Variants in R3HDM1 observed in about 807,000 individuals in gnomAD.
The protein encoded by R3HDM1 is R3H domain containing 1.
In R3HDM1, 46 loss-of-function variants were observed where a neutral mutation model predicts 141.1. The ratio of observed to expected loss-of-function variants is 0.33; its 90% CI spans 0.26 to 0.42. The LOEUF (loss-of-function observed/expected upper bound fraction) is 0.42. Among genes scored for constraint, R3HDM1 ranks in the 10% least tolerant of loss-of-function variants. The pLI is 1.00. For missense variants in R3HDM1, 1,184 were observed against 1,368.3 expected (o/e 0.87, Z 2.12); for synonymous variants, 435 against 472.9 (o/e 0.92, Z 1.04).
chr2:135,559,883 G>A (rs1469752588), intron 1 of R3HDM1, among the ~76,000 whole-genome samples: 3 of 152,108 alleles, frequency 2.0e-5, no homozygotes, highest in African/African-American at 4.8e-5. Flanking sequence ...CTAAATAAAA[G>A]GAAAAAGAGA....
chr2:135,585,974 T>C (rs541520985), intron 1 of R3HDM1, among the ~76,000 whole-genome samples: 1 of 152,362 alleles, frequency 6.6e-6, no homozygotes, highest in South Asian at 2.1e-4. Context: ...TTTTTAAGGC[T>C]TTTTGTTAGT....
At chr2:135,684,373 GC>G (rs1256463779) in intron 21 of R3HDM1, among the ~76,000 whole-genome samples, 3 of 152,208 alleles carry the variant, frequency 2.0e-5, no homozygotes, top group Admixed American at 1.3e-4. Flanking sequence ...ACAGGCGTGA[GC>G]CACCGCTCCC....
chr2:135,679,066 C>CTTTT (rs141175748), intron 20 of R3HDM1, among the ~76,000 whole-genome samples: 2 of 70,590 alleles, frequency 2.8e-5, no homozygotes, highest in African/African-American at 1.1e-4. Flanking sequence ...GCCCGGCTTT[C>CTTTT]TTTTTTTTTT....
intron 1 of R3HDM1, among the ~76,000 whole-genome samples, chr2:135,569,968 T>C (rs1027880287): frequency 6.6e-6 from 1 of 152,112 alleles, no homozygotes; most frequent in South Asian, 2.1e-4. Context: ...CCTCGTGATC[T>C]GTCCGCCTCG....
At chr2:135,721,673 T>C (rs2076710073) in intron 24 of R3HDM1, 2 of 344,458 alleles carry the variant, frequency 5.8e-6, no homozygotes, top group South Asian at 6.1e-5. Flanking sequence ...CTGCAACCTC[T>C]ACCTCCCAAG....
chr2:135,723,500 A>G (rs565864463), intron 26 of R3HDM1, among the ~76,000 whole-genome samples: 14 of 151,820 alleles, frequency 9.2e-5, no homozygotes, highest in African/African-American at 3.4e-4. Flanking sequence ...GGCCGGATGC[A>G]GTGCCTCATG....
intron 1 of R3HDM1, among the ~76,000 whole-genome samples, chr2:135,564,724 T>C (rs1702411116): frequency 6.6e-6 from 1 of 152,162 alleles, no homozygotes; most frequent in Non-Finnish European, 1.5e-5. Context: ...TTTCTTTATA[T>C]TTTTATAAAT....
intron 19 of R3HDM1, among the ~76,000 whole-genome samples, chr2:135,666,290 G>A (rs1396050166): frequency 6.6e-6 from 1 of 152,080 alleles, no homozygotes; most frequent in African/African-American, 2.4e-5. Context: ...TAGGAGAGTC[G>A]GCTATGTCAA....
At chr2:135,673,953 A>G (rs1430506304) in intron 19 of R3HDM1, among the ~76,000 whole-genome samples, 1 of 151,994 alleles carries the variant, frequency 6.6e-6, no homozygotes, top group African/African-American at 2.4e-5. Flanking sequence ...TTGTGGAGAC[A>G]AGATTTGGCC....
chr2:135,708,990 A>G (rs997745743), intron 21 of R3HDM1, among the ~76,000 whole-genome samples: 67 of 151,518 alleles, frequency 4.4e-4, no homozygotes, highest in African/African-American at 1.6e-3. Context: ...TAACTGTTCA[A>G]AAATACAGCA....
At chr2:135,580,431 T>G (rs1574037147) in intron 1 of R3HDM1, among the ~76,000 whole-genome samples, 2 of 152,210 alleles carry the variant, frequency 1.3e-5, no homozygotes, top group Non-Finnish European at 2.9e-5. Context: ...TATTTATTAT[T>G]GGTTTTTTTT....
chr2:135,589,980 G>C (rs992429842), intron 1 of R3HDM1, among the ~76,000 whole-genome samples: 3 of 152,056 alleles, frequency 2.0e-5, no homozygotes, highest in Admixed American at 2.0e-4. Context: ...GTCCCTAAAA[G>C]CATGTGTAAA....
chr2:135,550,990 T>A (rs1248616404), intron 1 of R3HDM1, among the ~76,000 whole-genome samples: 1 of 152,238 alleles, frequency 6.6e-6, no homozygotes, highest in Non-Finnish European at 1.5e-5. Flanking sequence ...AGACCTTCTG[T>A]CTTGACTCAA....
At chr2:135,574,931 A>C (rs1705036294) in intron 1 of R3HDM1, among the ~76,000 whole-genome samples, 1 of 152,206 alleles carries the variant, frequency 6.6e-6, no homozygotes, top group South Asian at 2.1e-4. Flanking sequence ...CACTATCTTC[A>C]CTGCTGTTCA....
At chr2:135,656,844 AG>A (rs1389352849) in intron 18 of R3HDM1, among the ~76,000 whole-genome samples, 2 of 152,220 alleles carry the variant, frequency 1.3e-5, no homozygotes, top group African/African-American at 4.8e-5. Flanking sequence ...CTGTAATCCC[AG>A]CACTTTGGGA....
chr2:135,631,086 C>T (rs2062665654), intron 7 of R3HDM1, among the ~76,000 whole-genome samples: 2 of 152,074 alleles, frequency 1.3e-5, no homozygotes, highest in South Asian at 4.2e-4. Flanking sequence ...TTGAAATATC[C>T]TCTTCTTCTA....
intron 21 of R3HDM1, among the ~76,000 whole-genome samples, chr2:135,695,345 C>T (rs2073077622): frequency 6.6e-6 from 1 of 152,108 alleles, no homozygotes; most frequent in Admixed American, 6.6e-5. Context: ...TGAGTTGAAA[C>T]TGACTGTGAA....
chr2:135,723,903 G>C (rs1575293609), intron 26 of R3HDM1, 34 bp from the exon 27 acceptor site: 2 of 1,537,058 alleles, frequency 1.3e-6, no homozygotes, highest in African/African-American at 2.8e-5. Context: ...TTTGGTAACA[G>C]GAATGTATTG....
At chr2:135,585,059 A>G (rs1707562132) in intron 1 of R3HDM1, among the ~76,000 whole-genome samples, 1 of 152,218 alleles carries the variant, frequency 6.6e-6, no homozygotes, top group Non-Finnish European at 1.5e-5. Flanking sequence ...TTTTTACCAG[A>G]AAGTTCAGGG....
Sources: allele counts gnomAD v4.1 joint callset (sites outside exome capture counted in the v4.1 genomes callset), GRCh38; gene constraint gnomAD v4.1.1; transcripts MANE v1.5; gene names NCBI Gene and HGNC (gene_info 2026-07-23, HGNC 2026-07-21).